CNTN5: variants seen among roughly 807,000 people sequenced by gnomAD.
CNTN5 encodes the protein contactin 5, also known as contactin-5.
CNTN5 carries 77 observed loss-of-function variants against 129.1 expected under a neutral mutation model. The observed-to-expected ratio is 0.60, with a 90% confidence interval of 0.50 to 0.72. The LOEUF is 0.72. CNTN5 is among the 30% of genes least tolerant of loss of function. CNTN5 has a pLI of 0.00. For synonymous variants in CNTN5, 509 were observed against 465.6 expected (o/e 1.09, Z -1.20); for missense variants, 1,478 against 1,328.8 (o/e 1.11, Z -1.75).
intron 3 of CNTN5, 49 bp downstream of exon 3, chr11:99,556,318 A>G: frequency 8.6e-7 from 1 of 1,157,270 alleles, no homozygotes; most frequent in Non-Finnish European, 1.2e-6. Context: ...TATCAAAATA[A>G]CCAAAATATA....
At chr11:100,276,456 G>A (rs1367039962) in intron 18 of CNTN5, among the ~76,000 whole-genome samples, 2 of 148,508 alleles carry the variant, frequency 1.3e-5, no homozygotes. Flanking sequence ...TGAGAACCCG[G>A]GAGGCAGAGG....
chr11:99,913,035 A>G (rs563724154), intron 6 of CNTN5, among the ~76,000 whole-genome samples: 1 of 152,212 alleles, frequency 6.6e-6, no homozygotes, highest in Non-Finnish European at 1.5e-5. Flanking sequence ...GCCAATATCT[A>G]TAAAAGCACT....
chr11:100,241,631 G>A (rs1949743563), intron 16 of CNTN5, among the ~76,000 whole-genome samples: 3 of 152,140 alleles, frequency 2.0e-5, no homozygotes, highest in Admixed American at 6.5e-5. Context: ...GTCTTCAAAC[G>A]ACAATCACAT....
intron 2 of CNTN5, among the ~76,000 whole-genome samples, chr11:99,355,865 C>T (rs1007430064): frequency 3.0e-5 from 4 of 133,660 alleles, no homozygotes; most frequent in East Asian, 2.2e-4. Flanking sequence ...CTCGCTCTTT[C>T]GCCCAGGCCG....
At chr11:99,623,058 A>G (rs930665096) in intron 3 of CNTN5, among the ~76,000 whole-genome samples, 5 of 152,056 alleles carry the variant, frequency 3.3e-5, no homozygotes, top group African/African-American at 4.8e-5. Flanking sequence ...ATAGCAGTAC[A>G]TTGTTCATTT....
intron 3 of CNTN5, among the ~76,000 whole-genome samples, chr11:99,682,988 T>C (rs1288326885): frequency 6.6e-6 from 1 of 151,846 alleles, no homozygotes; most frequent in Non-Finnish European, 1.5e-5. Flanking sequence ...ACACTAACAA[T>C]AGTGTTGCCT....
intron 18 of CNTN5, among the ~76,000 whole-genome samples, chr11:100,297,199 T>C (rs1951115326): frequency 6.6e-6 from 1 of 151,480 alleles, no homozygotes; most frequent in African/African-American, 2.4e-5. Context: ...GTACTGAAGC[T>C]TCCTGGGGGT....
intron 4 of CNTN5, among the ~76,000 whole-genome samples, chr11:99,821,512 T>C (rs1439191422): frequency 6.6e-6 from 1 of 152,138 alleles, no homozygotes; most frequent in Admixed American, 6.6e-5. Context: ...TCTGACACTT[T>C]GATTAGACAA....
chr11:99,965,894 G>A (rs1381281635), intron 8 of CNTN5, among the ~76,000 whole-genome samples: 1 of 152,108 alleles, frequency 6.6e-6, no homozygotes, highest in Non-Finnish European at 1.5e-5. Flanking sequence ...TCATAAGAAG[G>A]ACACTTTCCT....
chr11:99,756,067 A>G (rs1397129592), intron 3 of CNTN5, among the ~76,000 whole-genome samples: 3 of 151,984 alleles, frequency 2.0e-5, no homozygotes, highest in African/African-American at 4.8e-5. Context: ...GTCTGGGCTA[A>G]ATAAAGCCTA....
chr11:99,807,793 CAAATGAAGAT>C (rs1387897447), intron 3 of CNTN5, among the ~76,000 whole-genome samples: 1 of 152,120 alleles, frequency 6.6e-6, no homozygotes, highest in African/African-American at 2.4e-5. Flanking sequence ...CTCCATAAAT[CAAATGAAGAT>C]AAATCCAAGT....
intron 1 of CNTN5, among the ~76,000 whole-genome samples, chr11:99,058,020 A>C (rs945764242): frequency 2.0e-5 from 3 of 152,072 alleles, no homozygotes; most frequent in Non-Finnish European, 4.4e-5. Flanking sequence ...GGACCTCCCT[A>C]GTTTTTTCCT....
intron 3 of CNTN5, among the ~76,000 whole-genome samples, chr11:99,581,522 T>G (rs1358282887): frequency 6.6e-6 from 1 of 150,988 alleles, no homozygotes. Context: ...GCTCCTGTAT[T>G]GGGTGCATAT....
intron 2 of CNTN5, among the ~76,000 whole-genome samples, chr11:99,523,647 A>AACAG (rs1361495967): frequency 1.5e-5 from 1 of 67,942 alleles, no homozygotes; most frequent in African/African-American, 6.4e-5. Context: ...AATAGAATAG[A>AACAG]ATAGAACAGA....
intron 8 of CNTN5, among the ~76,000 whole-genome samples, chr11:99,961,076 A>C (rs1000879910): frequency 3.3e-5 from 5 of 151,818 alleles, no homozygotes; most frequent in African/African-American, 1.2e-4. Context: ...ATGGTGGTGC[A>C]TGCCTGTAGT....
intron 3 of CNTN5, among the ~76,000 whole-genome samples, chr11:99,741,867 G>C (rs571757355): frequency 6.6e-6 from 1 of 152,124 alleles, no homozygotes; most frequent in East Asian, 1.9e-4. Flanking sequence ...ATATAGACAT[G>C]TGAACAGTTT....
chr11:99,993,283 G>T (rs1939238578), intron 8 of CNTN5, among the ~76,000 whole-genome samples: 2 of 152,086 alleles, frequency 1.3e-5, no homozygotes, highest in Admixed American at 1.3e-4. Context: ...CTGCACATAA[G>T]GTCCGAAAAT....
At chr11:99,065,152 C>T (rs943937239) in intron 1 of CNTN5, among the ~76,000 whole-genome samples, 13 of 143,214 alleles carry the variant, frequency 9.1e-5, no homozygotes, top group Non-Finnish European at 1.7e-4. Context: ...AATTAAATGC[C>T]TGTTAGAGTC....
chr11:99,999,295 C>G (rs1197966826), intron 8 of CNTN5, among the ~76,000 whole-genome samples: 1 of 151,990 alleles, frequency 6.6e-6, no homozygotes, highest in Non-Finnish European at 1.5e-5. Flanking sequence ...ACAATGAACT[C>G]CAACAAATTT....
Sources: gnomAD v4.1 joint callset for allele counts (sites outside exome capture counted in the v4.1 genomes callset) on GRCh38, gnomAD v4.1.1 for gene constraint, MANE v1.5 for transcripts, NCBI Gene and HGNC (gene_info 2026-07-23, HGNC 2026-07-21) for gene names.